Variants in GRB10 observed in about 807,000 individuals in gnomAD.
The protein encoded by GRB10 is growth factor receptor-bound protein 10.
A neutral mutation model predicts 80.9 loss-of-function variants in GRB10; 20 were observed. The observed-to-expected ratio is 0.25, with a 90% confidence interval of 0.17 to 0.36. The LOEUF is 0.36. Ranked by LOEUF, GRB10 falls within the 10% of genes least tolerant of loss-of-function variation. GRB10 has a pLI of 1.00. For missense variants in GRB10, 548 were observed against 747.7 expected, an observed-to-expected ratio of 0.73 and a Z score of 3.12; for synonymous variants, 291 against 291.5, an observed-to-expected ratio of 1.00 and a Z score of 0.02.
At chr7:50,765,246 G>A (rs1453077476) in intron 2 of GRB10, among the ~76,000 whole-genome samples, 1 of 152,202 alleles carries the variant, frequency 6.6e-6, no homozygotes, top group Non-Finnish European at 1.5e-5. Context: ...AGCCCCCATG[G>A]AGAACAATAT....
In GRB10 at chr7:50,606,414, A is replaced by C; in HGVS notation, c.1195T>G (p.Tyr399Asp). 1 of 1,613,204 alleles carries C rather than the reference A, an allele frequency of 6.2e-7. No homozygotes were observed. Among genetic ancestry groups the C allele is most frequent in the Non-Finnish European group, 8.5e-7 (1 of 1,179,174 alleles). The change falls in exon 14 of 19, where the codon TAT (tyrosine) becomes GAT (aspartate). Residue 399 changes from tyrosine (Y) to aspartate (D), a missense_variant and splice_region_variant. Tyr to Asp is a radical substitution (Grantham distance 160). This residue lies in a region of GRB10 where 270 missense variants were observed against 433.6 expected (regional missense o/e 0.62). Coordinates refer to ENST00000401949, the MANE Select transcript of GRB10 (RefSeq NM_001350814.2). ...TAATTCTGGTAAAGGAGCATTCCAT[A>C]CTGGAGAGGAGAAGCCACAGTTAGT... The part of the protein sequence containing the change: ...CWMTAFRLLK[Y>D]GMLLYQNYRI...
At chr7:50,720,390 C>T (rs2067524792) in intron 4 of GRB10, among the ~76,000 whole-genome samples, 1 of 152,170 alleles carries the variant, frequency 6.6e-6, no homozygotes, top group Non-Finnish European at 1.5e-5. Context: ...ACAGTATTGA[C>T]TGCATGATGA....
At chr7:50,640,982 C>T (rs1349422561) in intron 7 of GRB10, among the ~76,000 whole-genome samples, 4 of 152,148 alleles carry the variant, frequency 2.6e-5, no homozygotes, top group African/African-American at 4.8e-5. Flanking sequence ...CAGTTTTTCA[C>T]GTGACACAGG....
intron 5 of GRB10, among the ~76,000 whole-genome samples, chr7:50,678,921 G>T (rs1405647538): frequency 6.6e-6 from 1 of 152,208 alleles, no homozygotes; most frequent in Non-Finnish European, 1.5e-5. Flanking sequence ...TTCTCGCAGT[G>T]AATATTCAGA....
At chr7:50,712,547 G>C (rs1310178476) in intron 4 of GRB10, among the ~76,000 whole-genome samples, 1 of 152,228 alleles carries the variant, frequency 6.6e-6, no homozygotes, top group Non-Finnish European at 1.5e-5. Context: ...AAGAATGCCT[G>C]GCCTGGCAGG....
intron 4 of GRB10, among the ~76,000 whole-genome samples, chr7:50,711,153 A>G (rs1300495700): frequency 7.0e-6 from 1 of 142,478 alleles, no homozygotes; most frequent in Non-Finnish European, 1.5e-5. Flanking sequence ...CATTACAGGT[A>G]TGCAAAAACA....
chr7:50,618,127 C>G lies in GRB10; in HGVS notation c.790G>C (p.Glu264Gln), dbSNP rs770798729. Residue 264 changes from glutamate to glutamine, a missense_variant, in exon 10 of 19, where the codon GAA becomes CAA. Physicochemically the swap from Glu to Gln is conservative, Grantham distance 29. Around this residue, in one of 4 missense-constraint regions of GRB10, gnomAD observed 270 missense variants for 433.6 expected, o/e 0.62. Transcript: ENST00000401949. ...TGCTGGCACCAAGTAACCATCTGTTCTGGGAAGAAATTCTAAGAAAATGGG... is the reference window on the plus strand; with the variant it reads ...TGCTGGCACCAAGTAACCATCTGTTGTGGGAAGAAATTCTAAGAAAATGGG... ...FFKNPMNFFPEQMVTWCQQSN... is the reference protein window; with the variant it reads ...FFKNPMNFFPQQMVTWCQQSN... 1.9e-6 allele frequency: 3 copies of G among 1,613,622 alleles called. No homozygotes were observed. Among genetic ancestry groups the G allele is most frequent in the Admixed American group, 3.3e-5 (2 of 59,996 alleles).
At chr7:50,737,989 T>C (rs1036253180) in intron 3 of GRB10, among the ~76,000 whole-genome samples, 1 of 152,084 alleles carries the variant, frequency 6.6e-6, no homozygotes, top group African/African-American at 2.4e-5. Flanking sequence ...AAAGAAGATA[T>C]ACGAATGGCC....
intron 3 of GRB10, among the ~76,000 whole-genome samples, chr7:50,751,929 C>T (rs1358675785): frequency 1.3e-5 from 2 of 152,146 alleles, no homozygotes; most frequent in African/African-American, 4.8e-5. Flanking sequence ...GTCACATTTT[C>T]ATCAACCAAT....
rs11555134 is a variant in GRB10 at position 50,591,496 on chromosome 7, C to T, written c.*1456G>A. Reference sequence around the variant, plus strand: ...CATTCTGCTCACCACAGTAGTTTGTCGCCTGTCAAAGGAGTCCTTTCTGCT... The same window carrying T: ...CATTCTGCTCACCACAGTAGTTTGTTGCCTGTCAAAGGAGTCCTTTCTGCT... On this transcript the variant is annotated 3_prime_UTR_variant, in exon 19 of 19. Transcript: ENST00000401949. 33,896 of 152,000 alleles carry T rather than the reference C, an allele frequency of 0.22. 3,964 individuals carry two copies. The highest frequency in any genetic ancestry group is 0.27 in the South Asian group (1,310 of 4,820). 9.4% of individuals were successfully genotyped at this position (152,000 alleles called of 1,614,324 possible). A position where few individuals can be genotyped will look rare whatever the true frequency, so the allele number is the denominator to read the frequency against.
intron 2 of GRB10, among the ~76,000 whole-genome samples, chr7:50,764,208 G>A (rs1250440601): frequency 6.6e-6 from 1 of 152,190 alleles, no homozygotes; most frequent in Non-Finnish European, 1.5e-5. Flanking sequence ...TCCTGTCCCT[G>A]TCCACCCTGA....
Position 50,592,577 on chromosome 7 carries a change from A to C in GRB10, c.*375T>G. On this transcript the variant is annotated 3_prime_UTR_variant, in exon 19 of 19. Transcript: ENST00000401949. ...TGCAAAAAAGTGATCAATACAAAAA[A>C]AGTAAACATATCAGTTTTAATTGTC... is the stretch of plus-strand genomic sequence containing the variant. 3.2e-6 allele frequency: 1 copy of C among 307,800 alleles called. No individual in the cohort carries two copies. Among genetic ancestry groups the C allele is most frequent in the Non-Finnish European group, 6.3e-6 (1 of 159,458 alleles). 19.1% of individuals were successfully genotyped at this position (307,800 alleles called of 1,614,324 possible).
At position 50,780,750 on chromosome 7, in the gene GRB10, A is replaced by G. The variant is rs892196179; in HGVS notation, c.-326-14T>C. On this transcript the variant is annotated splice_polypyrimidine_tract_variant and intron_variant, in intron 1 of 18. Coordinates refer to ENST00000401949, the MANE Select transcript of GRB10 (RefSeq NM_001350814.2). The stretch of plus-strand genomic sequence containing the variant: ...AGCCTCCCAAGTCTGAAAGAAAGGT[A>G]AAACCATTCTAGTCCAAGCGAGTTT... 6.6e-6 allele frequency: 1 copy of G among 152,232 alleles called. No homozygotes were observed. The highest frequency in any genetic ancestry group is 1.5e-5 in the Non-Finnish European group (1 of 68,038). The allele number at this position is 152,232 out of a possible 1,614,324, so 9.4% of individuals were successfully genotyped here. A position where few individuals can be genotyped will look rare whatever the true frequency, so the allele number is the denominator to read the frequency against.
chr7:50,773,348 G>A (rs13232029), intron 2 of GRB10, among the ~76,000 whole-genome samples: 87,178 of 144,288 alleles, frequency 0.6, 30,073 homozygotes, highest in Middle Eastern at 0.86. Flanking sequence ...GAAGGGGAAG[G>A]GGAAGAAAGG....
At chr7:50,756,182 T>C (rs2075051335) in intron 2 of GRB10, 126 bp from the exon 3 acceptor site, 1 of 397,386 alleles carries the variant, frequency 2.5e-6, no homozygotes, top group Admixed American at 4.4e-5. Context: ...GAAGATCATT[T>C]AAGAGTGTTC....
chr7:50,743,770 G>A (rs577887945), intron 3 of GRB10, among the ~76,000 whole-genome samples: 4 of 152,304 alleles, frequency 2.6e-5, no homozygotes, highest in African/African-American at 7.2e-5. Flanking sequence ...ACTAGCACTG[G>A]TGTCAGAGAG....
rs190391812 is a variant in GRB10, at chr7:50,724,691, C to T, written c.51+7581G>A. Among the ~76,000 whole-genome samples, 431 of 152,190 alleles carry T rather than the reference C, an allele frequency of 2.8e-3. 1 individual carries two copies. The highest frequency in any genetic ancestry group is 8.7e-3 in the African/African-American group (363 of 41,526). The stretch of plus-strand genomic sequence containing the variant: ...AAACAGGAAAAAGTGCCACAAACCC[C>T]GACAAAGGAAGGATGCCTGAAGGAG... On this transcript the variant is annotated intron_variant, in intron 4 of 18. Transcript: ENST00000401949.
At chr7:50,697,326 T>A (rs993554340) in intron 5 of GRB10, among the ~76,000 whole-genome samples, 1 of 152,196 alleles carries the variant, frequency 6.6e-6, no homozygotes, top group African/African-American at 2.4e-5. Flanking sequence ...AAGAAAGGTT[T>A]TTTCAAAATC....
chr7:50,664,973 T>A (rs1173848048), intron 7 of GRB10, among the ~76,000 whole-genome samples: 1 of 152,246 alleles, frequency 6.6e-6, no homozygotes, highest in Non-Finnish European at 1.5e-5. Context: ...GTATTTGTAT[T>A]TTTGGTAAGT....
Sources: allele counts gnomAD v4.1 joint callset (sites outside exome capture counted in the v4.1 genomes callset), GRCh38; gene constraint gnomAD v4.1.1; regional missense constraint gnomAD v4.1.1; transcripts MANE v1.5; gene names NCBI Gene and HGNC (gene_info 2026-07-23, HGNC 2026-07-21).